The following GLDC variants were observed in gnomAD, a reference collection of about 807,000 sequenced individuals.
GLDC encodes the protein glycine dehydrogenase (decarboxylating), mitochondrial.
In GLDC, 104 loss-of-function variants were observed where a neutral mutation model predicts 121.3. The ratio of observed to expected loss-of-function variants is 0.86; its 90% CI spans 0.73 to 1.01. The LOEUF is 1.01. Among genes scored for constraint, GLDC ranks in the 50% least tolerant of loss-of-function variants. GLDC has a pLI of 0.00. For missense variants in GLDC, 1,429 were observed against 1,306.6 expected, an observed-to-expected ratio of 1.09 and a Z score of -1.44; for synonymous variants, 546 against 480.6, an observed-to-expected ratio of 1.14 and a Z score of -1.78.
chr9:6,537,759 G>A (rs1587910513), intron 22 of GLDC, among the ~76,000 whole-genome samples: 1 of 152,002 alleles, frequency 6.6e-6, no homozygotes, highest in South Asian at 2.1e-4. Context: ...CAGCCTGGGT[G>A]ACAGAGTAAG....
intron 11 of GLDC, among the ~76,000 whole-genome samples, chr9:6,591,253 C>A (rs1818369220): frequency 1.3e-5 from 2 of 152,196 alleles, no homozygotes. Flanking sequence ...ACACTCGGAC[C>A]CATCTTCCTT....
At chr9:6,540,257 C>T (rs183653364) in intron 21 of GLDC, 111 bp from the exon 22 acceptor site, 59 of 770,258 alleles carry the variant, frequency 7.7e-5, no homozygotes, top group East Asian at 3.2e-4. Flanking sequence ...TGTGTATCAG[C>T]GAGGACCAAG....
intron 16 of GLDC, among the ~76,000 whole-genome samples, chr9:6,561,027 G>C (rs1164060197): frequency 6.6e-6 from 1 of 152,208 alleles, no homozygotes; most frequent in Non-Finnish European, 1.5e-5. Flanking sequence ...GGAAAGGTAA[G>C]GAAACAGATT....
intron 2 of GLDC, among the ~76,000 whole-genome samples, chr9:6,644,053 A>T (rs1467114032): frequency 9.6e-6 from 1 of 104,082 alleles, no homozygotes; most frequent in Non-Finnish European, 1.9e-5. Context: ...AAAAAAAACG[A>T]AAAAAAAAAG....
intron 21 of GLDC, among the ~76,000 whole-genome samples, chr9:6,546,392 G>A (rs1457977016): frequency 4.1e-4 from 61 of 149,774 alleles, no homozygotes; most frequent in Non-Finnish European, 5.9e-5. Context: ...GAAGAGACAG[G>A]TCTCATGATA....
intron 12 of GLDC, 75 bp downstream of exon 12, chr9:6,589,120 A>C: frequency 1.1e-6 from 1 of 916,104 alleles, no homozygotes; most frequent in Middle Eastern, 3.0e-4. Context: ...AGGCGAAATC[A>C]GCAGCAGCAC....
At chr9:6,635,275 A>C (rs1819477991) in intron 2 of GLDC, among the ~76,000 whole-genome samples, 2 of 152,186 alleles carry the variant, frequency 1.3e-5, no homozygotes, top group Admixed American at 6.6e-5. Flanking sequence ...ATAAGTGCAG[A>C]ATGGAAGCAG....
intron 3 of GLDC, 59 bp downstream of exon 3, chr9:6,620,125 G>A: frequency 1.3e-6 from 2 of 1,544,248 alleles, no homozygotes; most frequent in Non-Finnish European, 1.8e-6. Flanking sequence ...GACAGATGGA[G>A]GATGGAGAGA....
chr9:6,585,510 T>C (rs1027263094), intron 15 of GLDC, among the ~76,000 whole-genome samples: 2 of 152,226 alleles, frequency 1.3e-5, no homozygotes, highest in African/African-American at 2.4e-5. Context: ...TAAGACGCAA[T>C]TGAGAGCACT....
At chr9:6,558,038 G>A (rs896464347) in intron 17 of GLDC, 4 of 216,804 alleles carry the variant, frequency 1.8e-5, no homozygotes, top group African/African-American at 4.6e-5. Flanking sequence ...TCCCGCTTAA[G>A]ATGCAGCTGC....
chr9:6,552,878 T>C (rs962358604), intron 20 of GLDC, among the ~76,000 whole-genome samples: 4 of 152,104 alleles, frequency 2.6e-5, no homozygotes, highest in African/African-American at 9.7e-5. Flanking sequence ...CAAAGAGCTC[T>C]GGGGAAAAAC....
At chr9:6,640,549 T>A (rs1172953815) in intron 2 of GLDC, among the ~76,000 whole-genome samples, 2 of 152,346 alleles carry the variant, frequency 1.3e-5, no homozygotes, top group South Asian at 2.1e-4. Context: ...TAGAAATCAC[T>A]CTGGAACATT....
intron 11 of GLDC, among the ~76,000 whole-genome samples, chr9:6,589,637 G>T (rs1346545314): frequency 2.0e-5 from 3 of 152,104 alleles, no homozygotes; most frequent in African/African-American, 7.2e-5. Context: ...ATGCCGCCCA[G>T]GCTGGTCACA....
At chr9:6,620,341 A>G (rs1819064624) in intron 2 of GLDC, 22 bp from the exon 3 acceptor site, 1 of 1,607,630 alleles carries the variant, frequency 6.2e-7, no homozygotes, top group Non-Finnish European at 8.5e-7. Flanking sequence ...AAAAAGAGAA[A>G]TGTTACAGAC....
rs966395392 is a variant in GLDC at position 6,550,807 on chromosome 9, T to G, written c.2565A>C (p.Ala855=). 92 of 1,602,560 alleles carry G rather than the reference T, an allele frequency of 5.7e-5. No homozygotes were observed. Among genetic ancestry groups the G allele is most frequent in the Non-Finnish European group, 7.2e-5 (84 of 1,169,510 alleles). Residue 855 remains alanine (A), a synonymous_variant, in exon 21 of 25, where the codon GCA becomes GCC. Coordinates refer to ENST00000321612, the MANE Select transcript of GLDC (RefSeq NM_000170.3). ...TAGATTAAAGTTGATACTTGCCTCT[T>G]GCACCCCTGAAAAGAATTCTGTAGT... The part of the protein sequence containing the change: ...ETHYRILFRG[A]RGYVGHEFIL...
At chr9:6,557,164 G>A (rs1311270499) in intron 17 of GLDC, among the ~76,000 whole-genome samples, 1 of 151,886 alleles carries the variant, frequency 6.6e-6, no homozygotes, top group East Asian at 1.9e-4. Context: ...GATATTGAAC[G>A]TTCCCTCAAC....
intron 15 of GLDC, chr9:6,569,336 C>T (rs1587934045): frequency 6.6e-6 from 1 of 152,112 alleles, no homozygotes; most frequent in South Asian, 2.1e-4. Context: ...ACTAAGAACC[C>T]TAGCCAAACA....
chr9:6,567,443 T>C (rs1321440618), intron 15 of GLDC: 1 of 152,186 alleles, frequency 6.6e-6, no homozygotes, highest in South Asian at 2.1e-4. Flanking sequence ...ACAGTACCCA[T>C]CACACAGGGC....
At position 6,565,812 on chromosome 9, in the gene GLDC, G is replaced by A. The variant is rs569871211; in HGVS notation, c.1851-383C>T. The A allele has an allele frequency of 2.2e-5, 10 of 448,122 alleles. No individual in the cohort carries two copies. In the South Asian group the frequency reaches 2.2e-4, roughly 10 times the overall value. 27.8% of individuals were successfully genotyped at this position (448,122 alleles called of 1,614,324 possible). On this transcript the variant is annotated intron_variant, in intron 15 of 24. Transcript: ENST00000321612. ...AGCCAGCTGTAACAATTTGGTTTAC[G>A]GTCAATCTTGTTTCCTATTATATTT...
Sources: gnomAD v4.1 joint callset for allele counts (sites outside exome capture counted in the v4.1 genomes callset) on GRCh38, gnomAD v4.1.1 for gene constraint, MANE v1.5 for transcripts, NCBI Gene and HGNC (gene_info 2026-07-23, HGNC 2026-07-21) for gene names.